Variants in MACROD2 observed in about 807,000 individuals in gnomAD.
The protein encoded by MACROD2 is mono-ADP ribosylhydrolase 2, also known as ADP-ribose glycohydrolase MACROD2.
A neutral mutation model predicts 70.4 loss-of-function variants in MACROD2; 36 were observed. That is an observed-to-expected ratio of 0.51 (90% confidence interval 0.39 to 0.68). The LOEUF is 0.68. Among genes scored for constraint, MACROD2 ranks in the 30% least tolerant of loss-of-function variants. MACROD2 has a pLI of 0.00. For synonymous variants in MACROD2, 172 were observed against 178.8 expected, an observed-to-expected ratio of 0.96 and a Z score of 0.30; for missense variants, 496 against 538.4, an observed-to-expected ratio of 0.92 and a Z score of 0.78.
chr20:14,941,755 C>G (rs2074391480), intron 5 of MACROD2, among the ~76,000 whole-genome samples: 1 of 151,658 alleles, frequency 6.6e-6, no homozygotes, highest in African/African-American at 2.4e-5. Context: ...TAGTTAGCAT[C>G]AAGATTCTGA....
intron 12 of MACROD2, among the ~76,000 whole-genome samples, chr20:15,943,211 A>G (rs898515151): frequency 1.3e-5 from 2 of 152,186 alleles, no homozygotes; most frequent in Non-Finnish European, 2.9e-5. Context: ...AAATTATTCC[A>G]ACCACTGAGC....
chr20:15,700,706 A>C (rs982167083), intron 8 of MACROD2, among the ~76,000 whole-genome samples: 6 of 152,208 alleles, frequency 3.9e-5, no homozygotes, highest in Non-Finnish European at 8.8e-5. Flanking sequence ...AGTGGTTTTC[A>C]AAGTCCGTTA....
At chr20:15,207,600 G>A (rs548187412) in intron 5 of MACROD2, among the ~76,000 whole-genome samples, 20 of 151,800 alleles carry the variant, frequency 1.3e-4, no homozygotes, top group East Asian at 7.8e-4. Flanking sequence ...GTGCCACCAC[G>A]CCTGGCTAAT....
In MACROD2 at chr20:15,041,694, T is replaced by C. The variant is rs1324255186; in HGVS notation, c.419-188246T>C. ...CCTGGGCTCAAGTGATCCTCCTGCC[T>C]CGGCCTCCCAAAGTGCTGGGATTAC... On this transcript the variant is annotated intron_variant, in intron 5 of 17. Coordinates refer to ENST00000684519, the MANE Select transcript of MACROD2 (RefSeq NM_001351661.2). Among the ~76,000 whole-genome samples the C allele has an allele frequency of 2.0e-5, 3 of 152,144 alleles. No homozygotes were observed. In the East Asian group the frequency reaches 5.8e-4, roughly 29 times the overall value.
intron 3 of MACROD2, among the ~76,000 whole-genome samples, chr20:14,306,425 G>A (rs903854855): frequency 6.6e-6 from 1 of 151,870 alleles, no homozygotes; most frequent in African/African-American, 2.4e-5. Flanking sequence ...CAATTTTAGG[G>A]GTCTGTTATT....
chr20:15,091,036 A>G (rs1035418878), intron 5 of MACROD2, among the ~76,000 whole-genome samples: 5 of 151,932 alleles, frequency 3.3e-5, no homozygotes, highest in Non-Finnish European at 5.9e-5. Flanking sequence ...CTCCCCAACT[A>G]TAGCATCCTT....
chr20:14,013,544 T>A (rs1217517013), intron 2 of MACROD2, among the ~76,000 whole-genome samples: 1 of 152,162 alleles, frequency 6.6e-6, no homozygotes, highest in African/African-American at 2.4e-5. Flanking sequence ...AGTGCTGGGA[T>A]TACAGGCGTT....
chr20:14,542,700 T>G (rs1228148249), intron 4 of MACROD2, among the ~76,000 whole-genome samples: 1 of 152,128 alleles, frequency 6.6e-6, no homozygotes, highest in Non-Finnish European at 1.5e-5. Flanking sequence ...TGAAGGATGG[T>G]TAGATTAATA....
At chr20:15,321,341 T>C (rs2077872132) in intron 6 of MACROD2, among the ~76,000 whole-genome samples, 1 of 144,386 alleles carries the variant, frequency 6.9e-6, no homozygotes, top group Non-Finnish European at 1.6e-5. Flanking sequence ...TGTGTTTTCA[T>C]TTTGCCCTCT....
intron 5 of MACROD2, among the ~76,000 whole-genome samples, chr20:15,159,878 G>A (rs1452701628): frequency 6.6e-6 from 1 of 152,060 alleles, no homozygotes; most frequent in Non-Finnish European, 1.5e-5. Flanking sequence ...CGCAGTGGGA[G>A]AGGTTGGATC....
chr20:14,147,108 A>G (rs528082210), intron 3 of MACROD2, among the ~76,000 whole-genome samples: 8 of 152,284 alleles, frequency 5.3e-5, no homozygotes, highest in African/African-American at 1.7e-4. Context: ...CTTCTTATGT[A>G]CTGGGTAATG....
chr20:15,393,141 C>G (rs2045814929), intron 6 of MACROD2, among the ~76,000 whole-genome samples: 1 of 152,050 alleles, frequency 6.6e-6, no homozygotes, highest in African/African-American at 2.4e-5. Context: ...CCCATGATCC[C>G]TGATGTTGAC....
chr20:14,274,272 C>T (rs1460714190), intron 3 of MACROD2, among the ~76,000 whole-genome samples: 27 of 152,262 alleles, frequency 1.8e-4, no homozygotes, highest in Non-Finnish European at 3.7e-4. Context: ...CCGAATCCAG[C>T]AGCACATCAA....
At chr20:14,392,626 A>G (rs1161023370) in intron 3 of MACROD2, among the ~76,000 whole-genome samples, 10 of 152,230 alleles carry the variant, frequency 6.6e-5, no homozygotes, top group African/African-American at 2.4e-4. Context: ...GTCATCAGAA[A>G]TATTTTATGG....
intron 5 of MACROD2, among the ~76,000 whole-genome samples, chr20:15,195,599 G>T (rs1320299454): frequency 6.6e-6 from 1 of 152,176 alleles, no homozygotes; most frequent in Admixed American, 6.5e-5. Flanking sequence ...TGGTAAGGTT[G>T]CAGAGAAAAA....
chr20:14,597,510 A>G (rs1377321315), intron 4 of MACROD2, among the ~76,000 whole-genome samples: 2 of 152,190 alleles, frequency 1.3e-5, no homozygotes, highest in Non-Finnish European at 2.9e-5. Context: ...CAAATCTGGA[A>G]TCATTTTAGA....
chr20:14,290,717 C>T (rs1406374797), intron 3 of MACROD2, among the ~76,000 whole-genome samples: 2 of 152,180 alleles, frequency 1.3e-5, no homozygotes, highest in African/African-American at 4.8e-5. Flanking sequence ...CCATGTTGGT[C>T]AGCCTGGTCT....
intron 3 of MACROD2, among the ~76,000 whole-genome samples, chr20:14,157,774 G>A (rs2148715242): frequency 6.6e-6 from 1 of 152,168 alleles, no homozygotes; most frequent in Non-Finnish European, 1.5e-5. Flanking sequence ...CTTTGTTATA[G>A]CCAAATACTA....
chr20:15,659,472 C>T (rs1328896088), intron 8 of MACROD2, among the ~76,000 whole-genome samples: 1 of 151,874 alleles, frequency 6.6e-6, no homozygotes, highest in African/African-American at 2.4e-5. Flanking sequence ...TCTTCAAATA[C>T]TCCATACCTG....
Sources: gnomAD v4.1 joint callset for allele counts (sites outside exome capture counted in the v4.1 genomes callset) on GRCh38, gnomAD v4.1.1 for gene constraint, MANE v1.5 for transcripts, NCBI Gene and HGNC (gene_info 2026-07-23, HGNC 2026-07-21) for gene names.